The following ARVCF variants were observed in gnomAD, a reference collection of about 807,000 sequenced individuals.
ARVCF encodes ARVCF delta catenin family member.
Under a neutral mutation model 90.9 loss-of-function variants are expected in ARVCF, and 66 were observed. The observed-to-expected ratio is 0.73, with a 90% CI of 0.60 to 0.89. ARVCF has a LOEUF of 0.89. ARVCF is among the 40% of genes least tolerant of loss of function. The pLI is 0.00. For synonymous variants in ARVCF, 653 were observed against 603.4 expected, an observed-to-expected ratio of 1.08 and a Z score of -1.21; for missense variants, 1,469 against 1,382.3, an observed-to-expected ratio of 1.06 and a Z score of -1.00.
intron 3 of ARVCF, among the ~76,000 whole-genome samples, chr22:19,988,734 G>A (rs900276520): frequency 6.6e-6 from 1 of 152,218 alleles, no homozygotes; most frequent in Non-Finnish European, 1.5e-5. Context: ...AACCAATCTG[G>A]GAAACCTGGC....
intron 2 of ARVCF, among the ~76,000 whole-genome samples, chr22:20,006,602 A>G (rs1053537394): frequency 1.5e-4 from 22 of 148,344 alleles, no homozygotes; most frequent in African/African-American, 5.4e-4. Context: ...AGGCTCCCTC[A>G]CATAATAAGT....
In ARVCF at chr22:19,980,150, C is replaced by G; in HGVS notation, c.989G>C (p.Arg330Pro). 1.3e-6 allele frequency: 2 copies of G among 1,590,198 alleles called. No homozygotes were observed. The highest frequency in any genetic ancestry group is 1.7e-6 in the Non-Finnish European group (2 of 1,170,342). Residue 330 changes from arginine (R) to proline (P), a missense_variant, in exon 6 of 20, where the codon CGG becomes CCG. Transcript: ENST00000263207. ...MVTAPLAQPE[R>P]GSMGSLDRLV... ...CCGGTCCAGGCTGCCCATGCTGCCC[C>G]GTTCAGGCTGGGCCAGGGGCGCCGT... is the stretch of plus-strand genomic sequence containing the variant.
chr22:20,015,277 T>G (rs1944999476), intron 1 of ARVCF, among the ~76,000 whole-genome samples: 1 of 151,588 alleles, frequency 6.6e-6, no homozygotes, highest in Non-Finnish European at 1.5e-5. Flanking sequence ...AGAATGGGGG[T>G]AGGGTGGGGA....
At chr22:19,975,319 C>T (rs1413099807) in intron 11 of ARVCF, among the ~76,000 whole-genome samples, 1 of 152,232 alleles carries the variant, frequency 6.6e-6, no homozygotes, top group Admixed American at 6.5e-5. Context: ...GCATGCCCGC[C>T]TGGCTCCCAG....
Position 19,977,469 on chromosome 22 carries a change from A to G in ARVCF, c.1816T>C (p.Ser606Pro). 6.4e-7 allele frequency: 1 copy of G among 1,572,374 alleles called. No homozygotes were observed. The highest frequency in any genetic ancestry group is 8.6e-7 in the Non-Finnish European group (1 of 1,160,170). The change falls in exon 9 of 20, where the codon TCC becomes CCC. Residue 606 changes from serine (S) to proline (P), a missense_variant. Transcript: ENST00000263207. ...GCATCATCCCGCCTCCGGCGCTGGG[A>G]GCCTACAGCACTGCCCAGGGGCCCG... is the stretch of plus-strand genomic sequence containing the variant. ...EPGPLGSAVG[S>P]QRRRRDDASC...
downstream of ARVCF, chr22:19,966,965 C>A: frequency 1.0e-6 from 1 of 985,452 alleles, no homozygotes; most frequent in Non-Finnish European, 1.2e-6. Flanking sequence ...TGCTCAGACG[C>A]TGATGCATGT....
intron 2 of ARVCF, among the ~76,000 whole-genome samples, chr22:20,002,029 A>T (rs996975040): frequency 1.3e-5 from 2 of 152,044 alleles, no homozygotes; most frequent in Non-Finnish European, 2.9e-5. Context: ...ACATGATAGG[A>T]GTTTCCAGAG....
chr22:20,012,259 G>T (rs571315291), intron 1 of ARVCF, among the ~76,000 whole-genome samples: 20 of 152,362 alleles, frequency 1.3e-4, no homozygotes, highest in Non-Finnish European at 2.2e-4. Flanking sequence ...CCAGGAGATG[G>T]GTGGGAGCAG....
At chr22:19,987,041 C>T (rs967856060) in intron 3 of ARVCF, 4 of 654,720 alleles carry the variant, frequency 6.1e-6, no homozygotes, top group African/African-American at 1.9e-5. Context: ...CGACCCCGGG[C>T]CAGGGTCCCC....
At chr22:19,973,557 C>T (rs765480345) in intron 13 of ARVCF, 86 bp downstream of exon 13, 4 of 1,523,280 alleles carry the variant, frequency 2.6e-6, no homozygotes, top group Non-Finnish European at 3.5e-6. Context: ...ACTCCCAAAC[C>T]ACTCATCCTC....
intron 1 of ARVCF, among the ~76,000 whole-genome samples, chr22:20,011,635 C>A (rs1379645063): frequency 6.6e-6 from 1 of 152,036 alleles, no homozygotes; most frequent in African/African-American, 2.4e-5. Context: ...TGTGCATATG[C>A]ATGTGCGTGC....
intron 3 of ARVCF, among the ~76,000 whole-genome samples, chr22:19,985,804 T>C (rs563291696): frequency 6.6e-6 from 1 of 152,278 alleles, no homozygotes; most frequent in East Asian, 1.9e-4. Flanking sequence ...GAGAATGAGT[T>C]AAGGTGAGAT....
Position 19,970,365 on chromosome 22 carries a change from C to T in ARVCF, c.*391G>A. The T allele has an allele frequency of 1.0e-6, 1 of 1,004,342 alleles. No individual in the cohort carries two copies. The highest frequency in any genetic ancestry group is 4.0e-5 in the South Asian group (1 of 25,180). 62.2% of individuals were successfully genotyped at this position (1,004,342 alleles called of 1,614,324 possible). A position where few individuals can be genotyped will look rare whatever the true frequency, so the allele number is the denominator to read the frequency against. On this transcript the variant is annotated 3_prime_UTR_variant, in exon 20 of 20. Coordinates refer to ENST00000263207, the MANE Select transcript of ARVCF (RefSeq NM_001670.3). ...CTGCCTAGCTGCCTGCCCCTGGCGC[C>T]AGACCTGGCCCGCACCACTGGGGCA...
At chr22:19,975,866 T>C (rs1271393637) in intron 10 of ARVCF, 109 bp from the exon 11 acceptor site, 5 of 1,104,032 alleles carry the variant, frequency 4.5e-6, no homozygotes, top group Non-Finnish European at 5.4e-6. Context: ...GGCACCCCCA[T>C]GTCCAGGCCT....
At position 19,981,105 on chromosome 22, in the gene ARVCF, A is replaced by G. The variant is rs78767044; in HGVS notation, c.896+106T>C. 1,979 of 1,368,386 alleles carry G rather than the reference A, an allele frequency of 1.4e-3. 27 individuals are homozygous for G. In the African/African-American group the frequency reaches 0.027, roughly 18 times the overall value. The allele number at this position is 1,368,386 out of a possible 1,614,324, so 84.8% of individuals were successfully genotyped here. ...CCAAGGCCAATTCAAACTAACATGC[A>G]TGACTAACTCAACTGCGCCACTTGA... On this transcript the variant is annotated intron_variant, in intron 5 of 19. Coordinates refer to ENST00000263207, the MANE Select transcript of ARVCF (RefSeq NM_001670.3).
chr22:20,012,842 T>C (rs1402972342), intron 1 of ARVCF, among the ~76,000 whole-genome samples: 6 of 152,256 alleles, frequency 3.9e-5, no homozygotes, highest in Non-Finnish European at 7.3e-5. Flanking sequence ...CACAGCCAGA[T>C]TGGCAAGCTA....
At chr22:20,011,804 C>A (rs1278132212) in intron 1 of ARVCF, among the ~76,000 whole-genome samples, 1 of 152,118 alleles carries the variant, frequency 6.6e-6, no homozygotes, top group Non-Finnish European at 1.5e-5. Context: ...TCTAGGAAAC[C>A]TCTGGTTTTA....
chr22:19,982,637 A>G (rs1372493010), intron 3 of ARVCF, among the ~76,000 whole-genome samples: 5 of 152,130 alleles, frequency 3.3e-5, no homozygotes, highest in African/African-American at 1.2e-4. Flanking sequence ...GGCCACACTA[A>G]GGTTCCCGCC....
chr22:19,980,490 A>G (rs1351102025), intron 5 of ARVCF: 7 of 478,892 alleles, frequency 1.5e-5, no homozygotes, highest in Non-Finnish European at 2.4e-5. Context: ...CTCCCAGGAC[A>G]GCAAACTCAC....
Sources: gnomAD v4.1 joint callset for allele counts (sites outside exome capture counted in the v4.1 genomes callset) on GRCh38, gnomAD v4.1.1 for gene constraint, MANE v1.5 for transcripts, NCBI Gene and HGNC (gene_info 2026-07-23, HGNC 2026-07-21) for gene names.